Variants in PLXNA4 observed in about 807,000 individuals in gnomAD.
The protein encoded by PLXNA4 is plexin-A4.
A neutral mutation model predicts 191.8 loss-of-function variants in PLXNA4; 44 were observed. The observed-to-expected ratio is 0.23, with a 90% CI of 0.18 to 0.29. The LOEUF (loss-of-function observed/expected upper bound fraction) is 0.29. Among genes scored for constraint, PLXNA4 ranks in the 10% least tolerant of loss-of-function variants. The pLI is 1.00. For synonymous variants in PLXNA4, 1,082 were observed against 1,009.5 expected (o/e 1.07, Z -1.36); for missense variants, 1,800 against 2,488.8 (o/e 0.72, Z 5.89).
chr7:132,256,446 C>T (rs1325637244), intron 4 of PLXNA4, among the ~76,000 whole-genome samples: 1 of 152,106 alleles, frequency 6.6e-6, no homozygotes, highest in Non-Finnish European at 1.5e-5. Flanking sequence ...GTGTGCCTCC[C>T]CAGGCAAGTT....
In PLXNA4 at chr7:132,298,133, G is replaced by A. The variant is rs1470087200; in HGVS notation, c.1461C>T (p.Phe487=). The A allele has an allele frequency of 1.9e-6, 3 of 1,614,102 alleles. No individual in the cohort carries two copies. Among genetic ancestry groups the A allele is most frequent in the Non-Finnish European group, 2.5e-6 (3 of 1,180,042 alleles). Residue 487 remains phenylalanine, a synonymous_variant, in exon 4 of 32, where the codon TTC becomes TTT. Coordinates refer to ENST00000321063, the MANE Select transcript of PLXNA4 (RefSeq NM_020911.2). ...DPGPVLRDMA[F]SKDHEQLYIM... is the part of the protein sequence containing the mutation. ...TGTAGAGTTGCTCGTGGTCCTTGGA[G>A]AAGGCCATATCCCGGAGGACTGGGC...
At chr7:132,163,341 A>C (rs1796006019) in intron 24 of PLXNA4, among the ~76,000 whole-genome samples, 1 of 152,216 alleles carries the variant, frequency 6.6e-6, no homozygotes, top group South Asian at 2.1e-4. Context: ...CTGCCTGTTC[A>C]TCTTGTCCCA....
At chr7:132,493,494 C>A (rs1164106609) in intron 2 of PLXNA4, among the ~76,000 whole-genome samples, 1 of 152,176 alleles carries the variant, frequency 6.6e-6, no homozygotes, top group Non-Finnish European at 1.5e-5. Context: ...CTCTCTGGGT[C>A]CCTATCCAGA....
intron 3 of PLXNA4, among the ~76,000 whole-genome samples, chr7:132,360,956 G>A (rs939577596): frequency 1.3e-5 from 2 of 152,242 alleles, no homozygotes; most frequent in Non-Finnish European, 2.9e-5. Flanking sequence ...CTCACTAAAT[G>A]TTTGCAGAAT....
rs376693766 is a variant in PLXNA4, at chr7:132,422,014, T to G, written c.1371+67278A>C. On this transcript the variant is annotated intron_variant, in intron 3 of 31. Transcript: ENST00000321063. The stretch of plus-strand genomic sequence containing the variant: ...CAACAATGAGGTAATGTCTTCAAAG[T>G]GCCCTGAGCCTTTCACAGGGAAGTC... 7.2e-5 allele frequency among the ~76,000 whole-genome samples: 11 copies of G among 152,330 alleles called. No homozygotes were observed. The East Asian group carries it at 1.4e-3, about 19-fold the overall frequency.
At chr7:132,375,580 A>C (rs1258772628) in intron 3 of PLXNA4, among the ~76,000 whole-genome samples, 2 of 152,214 alleles carry the variant, frequency 1.3e-5, no homozygotes, top group Non-Finnish European at 2.9e-5. Flanking sequence ...ACCACAGCAC[A>C]GTGTGATCCA....
rs550735539 is a variant in PLXNA4, at chr7:132,130,554, G to C, written c.5610C>G (p.His1870Gln). 6.2e-7 allele frequency: 1 copy of C among 1,614,114 alleles called. No individual in the cohort carries two copies. Among genetic ancestry groups the C allele is most frequent in the Non-Finnish European group, 8.5e-7 (1 of 1,180,004 alleles). The change falls in exon 32 of 32, where the codon CAC becomes CAG. Residue 1870 changes from histidine (H) to glutamine (Q), a missense_variant. Physicochemically the swap from His to Gln is conservative, Grantham distance 24 (BLOSUM62 0). Around this residue, in one of 6 missense-constraint regions of PLXNA4, gnomAD observed 83 missense variants for 81.6 expected, o/e 1.02. Transcript: ENST00000321063. ...YSEEILGPLD[H>Q]DDQCGKQKLA... ...GTTTCTGCTTCCCACACTGGTCATC[G>C]TGGTCCAGAGGTCCAAGGATCTGCG...
chr7:132,527,548 A>G (rs1326330158), intron 1 of PLXNA4, among the ~76,000 whole-genome samples: 1 of 151,468 alleles, frequency 6.6e-6, no homozygotes, highest in Non-Finnish European at 1.5e-5. Context: ...TCAAAAAAAA[A>G]AAAAAAAAAA....
At position 132,133,073 on chromosome 7, in the gene PLXNA4, G is replaced by A. The variant is rs376590585; in HGVS notation, c.5565C>T (p.Ser1855=). Residue 1855 remains serine, a synonymous_variant, in exon 31 of 32, where the codon TCC becomes TCT. Coordinates refer to ENST00000321063, the MANE Select transcript of PLXNA4 (RefSeq NM_020911.2). ...CCTCCTCGCTGTATTTGCCCACATA[G>A]GAGAAGATCTCTGAGAGTGCACTCA... is the stretch of plus-strand genomic sequence containing the variant. ...NTMSALSEIF[S]YVGKYSEEIL... 30 of 1,614,042 alleles carry A rather than the reference G, an allele frequency of 1.9e-5. No individual in the cohort carries two copies. The highest frequency in any genetic ancestry group is 2.5e-5 in the Non-Finnish European group (29 of 1,180,020).
At chr7:132,480,006 CA>C (rs1797277803) in intron 3 of PLXNA4, among the ~76,000 whole-genome samples, 2 of 152,118 alleles carry the variant, frequency 1.3e-5, no homozygotes, top group African/African-American at 4.8e-5. Context: ...GAACTATGTA[CA>C]CTTCTGAAGT....
At chr7:132,579,932 T>C (rs1802370859), upstream of PLXNA4, among the ~76,000 whole-genome samples, 1 of 151,962 alleles carries the variant, frequency 6.6e-6, no homozygotes, top group Non-Finnish European at 1.5e-5. Context: ...GTTAGGAGAA[T>C]GGAATGGGGT....
chr7:132,529,807 A>G (rs1335662699), intron 1 of PLXNA4, among the ~76,000 whole-genome samples: 2 of 151,980 alleles, frequency 1.3e-5, no homozygotes, highest in African/African-American at 4.8e-5. Flanking sequence ...GGGTTTCACC[A>G]TGTTAGCCAG....
At chr7:132,240,001 C>G (rs148185839) in intron 5 of PLXNA4, among the ~76,000 whole-genome samples, 3 of 152,104 alleles carry the variant, frequency 2.0e-5, no homozygotes, top group African/African-American at 7.2e-5. Flanking sequence ...AGGGTGTTTC[C>G]GAATTTTAAG....
At chr7:132,378,734 T>G (rs11772757) in intron 3 of PLXNA4, among the ~76,000 whole-genome samples, 21,587 of 152,192 alleles carry the variant, frequency 0.14, 2,070 homozygotes, top group Non-Finnish European at 0.22. Flanking sequence ...TGATATTCTT[T>G]GAGCTGCTAA....
chr7:132,171,002 C>A (rs902315284), intron 21 of PLXNA4, among the ~76,000 whole-genome samples: 7 of 152,190 alleles, frequency 4.6e-5, no homozygotes, highest in Non-Finnish European at 1.0e-4. Context: ...CTGCCTCCCC[C>A]AGTTCTCCCC....
At chr7:132,585,991 A>G (rs936546188) in intron 2 of PLXNA4, among the ~76,000 whole-genome samples, 1 of 152,220 alleles carries the variant, frequency 6.6e-6, no homozygotes, top group African/African-American at 2.4e-5. Context: ...CAAGGCTGTG[A>G]GGCTTTTATA....
At chr7:132,261,791 A>T (rs1799655584) in intron 4 of PLXNA4, among the ~76,000 whole-genome samples, 1 of 152,208 alleles carries the variant, frequency 6.6e-6, no homozygotes, top group Non-Finnish European at 1.5e-5. Flanking sequence ...TGCACAAGAC[A>T]TGGCTAGATT....
chr7:132,563,132 CCTCCTT>C (rs1381478294), intron 1 of PLXNA4, among the ~76,000 whole-genome samples: 1 of 103,180 alleles, frequency 9.7e-6, no homozygotes, highest in East Asian at 3.5e-4. Context: ...TTCTCCTCCT[CCTCCTT>C]CTCCTCTTCC....
chr7:132,367,540 G>C (rs754758877), intron 3 of PLXNA4: 1 of 152,306 alleles, frequency 6.6e-6, no homozygotes, highest in Non-Finnish European at 1.5e-5. Context: ...GGTGAGGGGT[G>C]GGGTGGGGAG....
Sources: allele counts gnomAD v4.1 joint callset (sites outside exome capture counted in the v4.1 genomes callset), GRCh38; gene constraint gnomAD v4.1.1; regional missense constraint gnomAD v4.1.1; transcripts MANE v1.5; gene names NCBI Gene and HGNC (gene_info 2026-07-23, HGNC 2026-07-21).